Variants in DPY19L3 observed in about 807,000 individuals in gnomAD.
The protein encoded by DPY19L3 is dpy-19 like C-mannosyltransferase 3.
DPY19L3 carries 51 observed loss-of-function variants against 92.3 expected under a neutral mutation model. The observed-to-expected ratio is 0.55, with a 90% CI of 0.44 to 0.70. The LOEUF (loss-of-function observed/expected upper bound fraction) is 0.70, where lower values mean the gene tolerates loss of function less well. DPY19L3 is among the 30% of genes least tolerant of loss of function. The pLI, the probability that DPY19L3 is intolerant of heterozygous loss-of-function variation, is 0.00. For synonymous variants in DPY19L3, 309 were observed against 315.2 expected, an observed-to-expected ratio of 0.98 and a Z score of 0.21; for missense variants, 706 against 855.9, an observed-to-expected ratio of 0.82 and a Z score of 2.18.
chr19:32,465,677 G>C (rs1388526594), intron 15 of DPY19L3, among the ~76,000 whole-genome samples: 4 of 152,000 alleles, frequency 2.6e-5, no homozygotes, highest in Admixed American at 2.6e-4. Context: ...TTTCATGTAG[G>C]ATTTTGTGAA....
rs370288780 is a variant in DPY19L3 at position 32,463,849 on chromosome 19, G to A, written c.1446-20G>A. 9.4e-6 allele frequency: 15 copies of A among 1,597,650 alleles called. No homozygotes were observed. Among genetic ancestry groups the A allele is most frequent in the African/African-American group, 8.0e-5 (6 of 74,586 alleles). On this transcript the variant is annotated intron_variant, in intron 13 of 18. Transcript: ENST00000392250. ...TATACAACTAGTACTTCTGACTTGCGCCTGTGTCTGTTCTTGCAGAATGAA... is the reference window on the plus strand; with the variant it reads ...TATACAACTAGTACTTCTGACTTGCACCTGTGTCTGTTCTTGCAGAATGAA...
intron 3 of DPY19L3, among the ~76,000 whole-genome samples, chr19:32,419,946 G>A (rs1968511797): frequency 7.2e-6 from 1 of 139,302 alleles, no homozygotes; most frequent in Non-Finnish European, 1.5e-5. Flanking sequence ...TGCAACCTCC[G>A]CATCCCAGAT....
At position 32,462,013 on chromosome 19, in the gene DPY19L3, G is replaced by GT. The variant is rs533166726; in HGVS notation, c.1323-1346dup. On this transcript the variant is annotated intron_variant, in intron 12 of 18. Coordinates refer to ENST00000392250, the MANE Select transcript of DPY19L3 (RefSeq NM_001172774.2). ...TGGTTTCACACCCTTTCTATACTAT[G>GT]TTTTTTTCCTATACATATATCCCTG... Among the ~76,000 whole-genome samples the GT allele has an allele frequency of 2.0e-3, 307 of 152,066 alleles. 5 individuals carry two copies. Among genetic ancestry groups the GT allele is most frequent in the South Asian group, 0.013 (62 of 4,808 alleles).
intron 16 of DPY19L3, among the ~76,000 whole-genome samples, chr19:32,472,600 C>G (rs890092085): frequency 6.8e-6 from 1 of 147,142 alleles, no homozygotes; most frequent in African/African-American, 2.5e-5. Flanking sequence ...TAAAGGTTTT[C>G]TGTGCAATTA....
intron 6 of DPY19L3, among the ~76,000 whole-genome samples, chr19:32,438,705 A>G (rs1218373751): frequency 6.6e-6 from 1 of 152,192 alleles, no homozygotes; most frequent in African/African-American, 2.4e-5. Flanking sequence ...TTTTTAAAAA[A>G]TACTGTCAAT....
At position 32,439,957 on chromosome 19, in the gene DPY19L3, T is replaced by TCATTTTGGCCA. The variant is rs779292887; in HGVS notation, c.855+47_855+48insCATTTTGGCCA. On this transcript the variant is annotated intron_variant, in intron 8 of 18. Transcript: ENST00000392250. Reference sequence around the variant, plus strand: ...CACTTGAGATTTTGGCCATTTAGTGTTTTTATATCATAGAATGAGATGAAA... The same window carrying TCATTTTGGCCA: ...CACTTGAGATTTTGGCCATTTAGTGTCATTTTGGCCATTTTATATCATAGAATGAGATGAAA... The TCATTTTGGCCA allele has an allele frequency of 5.6e-5, 90 of 1,601,510 alleles. No homozygotes were observed. In the East Asian group the frequency reaches 1.7e-3, roughly 31 times the overall value.
chr19:32,426,005 T>A (rs142757904), intron 3 of DPY19L3, among the ~76,000 whole-genome samples: 2 of 152,240 alleles, frequency 1.3e-5, no homozygotes, highest in Non-Finnish European at 1.5e-5. Context: ...GAAGGCTGTT[T>A]CATCTACATT....
At chr19:32,440,180 CTT>C (rs1969278683) in intron 8 of DPY19L3, among the ~76,000 whole-genome samples, 1 of 152,160 alleles carries the variant, frequency 6.6e-6, no homozygotes, top group Non-Finnish European at 1.5e-5. Flanking sequence ...ATAGAGATGA[CTT>C]AAATTTTAAA....
chr19:32,441,618 C>T (rs2145509497), intron 8 of DPY19L3, among the ~76,000 whole-genome samples: 1 of 151,974 alleles, frequency 6.6e-6, no homozygotes, highest in East Asian at 1.9e-4. Context: ...CTGCCTCAGC[C>T]TCCCAAGTAG....
intron 8 of DPY19L3, among the ~76,000 whole-genome samples, chr19:32,440,723 T>C (rs1042014868): frequency 2.0e-5 from 3 of 152,204 alleles, no homozygotes; most frequent in African/African-American, 4.8e-5. Context: ...GTGTAATTCA[T>C]TGTCATAGCC....
chr19:32,482,474 C>A lies in DPY19L3; in HGVS notation c.*234C>A. 1 of 460,900 alleles carries A rather than the reference C, an allele frequency of 2.2e-6. No homozygotes were observed. The highest frequency in any genetic ancestry group is 3.8e-6 in the Non-Finnish European group (1 of 261,684). The allele number at this position is 460,900 out of a possible 1,614,324, so 28.6% of individuals were successfully genotyped here. ...TAATGTTCTTTAGCCTAAATGTTAACAACTTTCTAAGAGTGACCTAGAATT... is the reference window on the plus strand; with the variant it reads ...TAATGTTCTTTAGCCTAAATGTTAAAAACTTTCTAAGAGTGACCTAGAATT... On this transcript the variant is annotated 3_prime_UTR_variant, in exon 19 of 19. Coordinates refer to ENST00000392250, the MANE Select transcript of DPY19L3 (RefSeq NM_001172774.2).
At chr19:32,416,171 C>T (rs1304118003) in intron 3 of DPY19L3, among the ~76,000 whole-genome samples, 3 of 152,146 alleles carry the variant, frequency 2.0e-5, no homozygotes, top group African/African-American at 4.8e-5. Flanking sequence ...GTTGCAGAGT[C>T]GTGAACAGAG....
At chr19:32,469,722 G>A (rs958680742) in intron 16 of DPY19L3, among the ~76,000 whole-genome samples, 9 of 152,026 alleles carry the variant, frequency 5.9e-5, no homozygotes, top group South Asian at 2.1e-4. Flanking sequence ...TATTTCTGCC[G>A]GCACTTTGTT....
intron 1 of DPY19L3, 65 bp downstream of exon 1, chr19:32,405,974 G>C (rs1041945104): frequency 2.6e-5 from 4 of 151,246 alleles, no homozygotes; most frequent in African/African-American, 7.3e-5. Flanking sequence ...GGCGCCGGCG[G>C]AACCCTCGGC....
chr19:32,447,248 T>C (rs1007618993), intron 8 of DPY19L3, among the ~76,000 whole-genome samples: 3 of 152,072 alleles, frequency 2.0e-5, no homozygotes, highest in African/African-American at 7.2e-5. Context: ...AAAGCAGTAT[T>C]AAGAAGAAAA....
At chr19:32,456,569 G>A (rs1194002960) in intron 10 of DPY19L3, among the ~76,000 whole-genome samples, 2 of 151,526 alleles carry the variant, frequency 1.3e-5, no homozygotes, top group Non-Finnish European at 2.9e-5. Flanking sequence ...GAGTAGCTGG[G>A]ACTACAGGTG....
At chr19:32,454,827 C>G (rs962445121) in intron 9 of DPY19L3, 112 bp from the exon 10 acceptor site, 8 of 636,118 alleles carry the variant, frequency 1.3e-5, no homozygotes, top group Non-Finnish European at 1.9e-5. Flanking sequence ...CATATATTTT[C>G]CCTTTATGTT....
chr19:32,422,203 G>C (rs1968594835), intron 3 of DPY19L3, among the ~76,000 whole-genome samples: 1 of 152,186 alleles, frequency 6.6e-6, no homozygotes, highest in African/African-American at 2.4e-5. Flanking sequence ...ACAGTCACCA[G>C]AATAATTTTA....
chr19:32,459,876 A>AG (rs1321956241), intron 12 of DPY19L3, among the ~76,000 whole-genome samples: 3 of 152,208 alleles, frequency 2.0e-5, no homozygotes, highest in African/African-American at 7.2e-5. Context: ...TCACTTAACA[A>AG]GGGGGATATG....
Sources: allele counts gnomAD v4.1 joint callset (sites outside exome capture counted in the v4.1 genomes callset), GRCh38; gene constraint gnomAD v4.1.1; transcripts MANE v1.5; gene names NCBI Gene and HGNC (gene_info 2026-07-23, HGNC 2026-07-21).